SVOP: variants seen among roughly 807,000 people sequenced by gnomAD.
SVOP encodes SV2 related protein.
SVOP carries 17 observed loss-of-function variants against 69.1 expected under a neutral mutation model. The ratio of observed to expected loss-of-function variants is 0.25; its 90% confidence interval spans 0.17 to 0.37. The LOEUF is 0.37. Among genes scored for constraint, SVOP ranks in the 10% least tolerant of loss-of-function variants. SVOP has a pLI of 1.00. For missense variants in SVOP, 435 were observed against 597.5 expected (o/e 0.73, Z 2.84); for synonymous variants, 238 against 238.6 (o/e 1.00, Z 0.02).
intron 8 of SVOP, 122 bp from the exon 9 acceptor site, chr12:108,939,077 T>G (rs2039873695): frequency 1.4e-6 from 2 of 1,383,364 alleles, no homozygotes; most frequent in Admixed American, 4.3e-5. Context: ...GCCAGAGAGC[T>G]GACTTCAAAT....
chr12:108,937,365 A>T, intron 9 of SVOP, 28 bp from the exon 10 acceptor site: 1 of 1,610,082 alleles, frequency 6.2e-7, no homozygotes, highest in Non-Finnish European at 8.5e-7. Flanking sequence ...CATAGTGTTT[A>T]TTCTCTCCCC....
intron 10 of SVOP, among the ~76,000 whole-genome samples, chr12:108,935,246 C>G (rs2039849505): frequency 2.0e-5 from 3 of 152,114 alleles, no homozygotes; most frequent in Admixed American, 6.6e-5. Flanking sequence ...TCCTGGCTGA[C>G]CCAGAAATTA....
intron 15 of SVOP, among the ~76,000 whole-genome samples, chr12:108,914,883 A>C (rs1434803195): frequency 2.0e-5 from 3 of 151,372 alleles, no homozygotes; most frequent in Non-Finnish European, 4.4e-5. Context: ...TAAAAAAAAA[A>C]AAATTTTTTT....
chr12:109,002,569 C>G (rs2040278264), intron 1 of SVOP, among the ~76,000 whole-genome samples: 1 of 148,974 alleles, frequency 6.7e-6, no homozygotes, highest in Non-Finnish European at 1.5e-5. Flanking sequence ...AAATGTCCAA[C>G]AATGATAGAC....
intron 6 of SVOP, among the ~76,000 whole-genome samples, chr12:108,954,855 C>G (rs2039976649): frequency 6.6e-6 from 1 of 152,116 alleles, no homozygotes; most frequent in Non-Finnish European, 1.5e-5. Context: ...TACAGTTAGA[C>G]CCCGATCTCT....
At chr12:109,013,540 G>A (rs1464160263) in intron 1 of SVOP, among the ~76,000 whole-genome samples, 1 of 152,026 alleles carries the variant, frequency 6.6e-6, no homozygotes, top group African/African-American at 2.4e-5. Flanking sequence ...ATAGGTGCAT[G>A]CCACCACACC....
chr12:108,965,562 A>C (rs1474613021), intron 5 of SVOP, among the ~76,000 whole-genome samples: 2 of 152,172 alleles, frequency 1.3e-5, no homozygotes, highest in South Asian at 2.1e-4. Context: ...ACATAACTTT[A>C]TTTTTATGCA....
At chr12:108,994,301 T>C (rs953405432) in intron 1 of SVOP, among the ~76,000 whole-genome samples, 3 of 152,034 alleles carry the variant, frequency 2.0e-5, no homozygotes, top group African/African-American at 7.2e-5. Context: ...TCAAACCAGC[T>C]TGGCCAACAT....
intron 1 of SVOP, among the ~76,000 whole-genome samples, chr12:109,005,077 G>A (rs943058765): frequency 1.3e-5 from 2 of 152,016 alleles, no homozygotes; most frequent in East Asian, 1.9e-4. Flanking sequence ...TTTTCATCTC[G>A]GCCTCTGGAG....
chr12:109,017,713 T>C (rs1441122746), intron 1 of SVOP, among the ~76,000 whole-genome samples: 1 of 152,080 alleles, frequency 6.6e-6, no homozygotes, highest in African/African-American at 2.4e-5. Flanking sequence ...ACTAATTTTT[T>C]TTGTATTTTT....
At chr12:108,986,660 G>A (rs1282794115) in intron 1 of SVOP, among the ~76,000 whole-genome samples, 1 of 152,154 alleles carries the variant, frequency 6.6e-6, no homozygotes, top group Non-Finnish European at 1.5e-5. Flanking sequence ...AGACATGCAA[G>A]GGGCCAATAG....
intron 5 of SVOP, 143 bp from the exon 6 acceptor site, chr12:108,961,190 G>A (rs2040016114): frequency 1.9e-6 from 2 of 1,045,020 alleles, no homozygotes; most frequent in Non-Finnish European, 2.6e-6. Flanking sequence ...TCTGTATGGG[G>A]AGTGCCAACC....
At chr12:108,996,297 C>T (rs1363151586) in intron 1 of SVOP, among the ~76,000 whole-genome samples, 2 of 152,144 alleles carry the variant, frequency 1.3e-5, no homozygotes, top group Non-Finnish European at 2.9e-5. Flanking sequence ...GAGGCTCATG[C>T]CTGTAGTCCC....
At chr12:109,015,604 G>A (rs2040363642) in intron 1 of SVOP, among the ~76,000 whole-genome samples, 1 of 151,150 alleles carries the variant, frequency 6.6e-6, no homozygotes, top group Non-Finnish European at 1.5e-5. Flanking sequence ...TTGGAGCCAG[G>A]TGACCAGCCT....
rs191898145 is a variant in SVOP, at chr12:109,003,130, T to G, written c.35+17704A>C. ...CATGCTACAGTCTGAGAAATACTGT[T>G]CTAGAGGAGTTATGCTTAGACAATC... On this transcript the variant is annotated intron_variant, in intron 1 of 15. Coordinates refer to ENST00000610966, the MANE Select transcript of SVOP (RefSeq NM_018711.5). 2.0e-3 allele frequency among the ~76,000 whole-genome samples: 301 copies of G among 152,220 alleles called. 5 individuals carry two copies. Among genetic ancestry groups the G allele is most frequent in the African/African-American group, 7.1e-3 (293 of 41,554 alleles).
At chr12:109,011,201 G>A (rs561680221) in intron 1 of SVOP, among the ~76,000 whole-genome samples, 23 of 152,198 alleles carry the variant, frequency 1.5e-4, no homozygotes, top group Non-Finnish European at 3.1e-4. Context: ...ATAGACGAGG[G>A]CCACTGCACT....
intron 1 of SVOP, among the ~76,000 whole-genome samples, chr12:109,000,307 T>C (rs1330255637): frequency 2.0e-5 from 3 of 146,898 alleles, no homozygotes; most frequent in South Asian, 4.5e-4. Context: ...GCTGAAATTG[T>C]GGCAATAATC....
At chr12:108,984,514 A>ATCTC (rs2040157338) in intron 1 of SVOP, among the ~76,000 whole-genome samples, 1 of 151,818 alleles carries the variant, frequency 6.6e-6, no homozygotes, top group African/African-American at 2.4e-5. Context: ...CTGTCTCATT[A>ATCTC]TCTCCAGCCC....
intron 11 of SVOP, among the ~76,000 whole-genome samples, chr12:108,925,362 G>A (rs1230215589): frequency 6.6e-6 from 1 of 152,128 alleles, no homozygotes; most frequent in Non-Finnish European, 1.5e-5. Context: ...CGCCATCTTG[G>A]TCTGAGCCAT....
Sources: gnomAD v4.1 joint callset for allele counts (sites outside exome capture counted in the v4.1 genomes callset) on GRCh38, gnomAD v4.1.1 for gene constraint, MANE v1.5 for transcripts, NCBI Gene and HGNC (gene_info 2026-07-23, HGNC 2026-07-21) for gene names.